SLC9A7: variants seen among roughly 807,000 people sequenced by gnomAD.
The protein encoded by SLC9A7 is sodium/hydrogen exchanger 7.
In SLC9A7, 19 loss-of-function variants were observed where a neutral mutation model predicts 52.6. The ratio of observed to expected loss-of-function variants is 0.36; its 90% CI spans 0.25 to 0.53. SLC9A7 has a LOEUF of 0.53. Among genes scored for constraint, SLC9A7 ranks in the 20% least tolerant of loss-of-function variants. The probability of loss-of-function intolerance (pLI) is 0.91; values close to 1 mark genes in which losing one functional copy is unlikely to be tolerated. For missense variants in SLC9A7, 455 were observed against 597.9 expected, an observed-to-expected ratio of 0.76 and a Z score of 2.49; for synonymous variants, 226 against 252.1, an observed-to-expected ratio of 0.90 and a Z score of 0.98.
intron 1 of SLC9A7, among the ~76,000 whole-genome samples, chrX:46,700,766 C>T (rs1944518827): frequency 8.9e-6 from 1 of 112,129 alleles, no homozygotes; most frequent in Non-Finnish European, 1.9e-5. Context: ...CTGCACATAG[C>T]TTCTCTAGAC....
In SLC9A7 at chrX:46,682,546, G is replaced by A; in HGVS notation, c.326-11C>T. 1 of 1,196,139 alleles carries A rather than the reference G, an allele frequency of 8.4e-7. No homozygotes were observed. The highest frequency in any genetic ancestry group is 1.1e-6 in the Non-Finnish European group (1 of 883,620). On this transcript the variant is annotated splice_polypyrimidine_tract_variant and intron_variant, in intron 1 of 16. Transcript: ENST00000616978. ...CCCCAACGATGAGCCCTGAAAGAGT[G>A]GAAAAAAACTCATCAGGCCTGAGGA...
intron 1 of SLC9A7, among the ~76,000 whole-genome samples, chrX:46,722,689 C>T (rs762217641): frequency 1.3e-4 from 14 of 111,948 alleles, no homozygotes; most frequent in African/African-American, 1.9e-4. Context: ...CTTTATGTGA[C>T]CAAGTTATTT....
At chrX:46,664,155 T>G (rs1448369275) in intron 5 of SLC9A7, among the ~76,000 whole-genome samples, 2 of 110,753 alleles carry the variant, frequency 1.8e-5, no homozygotes, top group African/African-American at 6.6e-5. Context: ...ACCCTCTCTC[T>G]TGATGGTTTC....
chrX:46,650,994 G>T (rs1308159456), intron 10 of SLC9A7, 116 bp downstream of exon 10: 1 of 242,430 alleles, frequency 4.1e-6, no homozygotes, highest in Admixed American at 7.1e-5. Context: ...ATTTTATGAT[G>T]GTTTATATTA....
At chrX:46,633,273 T>C (rs763905697) in intron 13 of SLC9A7, among the ~76,000 whole-genome samples, 4 of 89,268 alleles carry the variant, frequency 4.5e-5, no homozygotes, top group African/African-American at 8.9e-5. Context: ...GCTACTGATA[T>C]AAGTGCAGAA....
intron 3 of SLC9A7, among the ~76,000 whole-genome samples, chrX:46,675,061 A>ATGTG (rs397895552): frequency 0.03 from 2,049 of 68,804 alleles, 41 homozygotes; most frequent in Non-Finnish European, 0.047. Context: ...GAGAGAGTGA[A>ATGTG]TGTGTGTGTG....
intron 1 of SLC9A7, among the ~76,000 whole-genome samples, chrX:46,724,315 A>G (rs765994097): frequency 8.9e-6 from 1 of 111,905 alleles, no homozygotes; most frequent in South Asian, 3.7e-4. Context: ...GAAGTTGAAT[A>G]GACTACTCAG....
intron 1 of SLC9A7, among the ~76,000 whole-genome samples, chrX:46,687,248 G>A (rs769676884): frequency 1.8e-5 from 2 of 111,899 alleles, no homozygotes; most frequent in East Asian, 5.6e-4. Flanking sequence ...GAACAGGTAC[G>A]TGGGTGCACT....
intron 3 of SLC9A7, among the ~76,000 whole-genome samples, chrX:46,677,237 C>T (rs763956262): frequency 1.8e-5 from 2 of 112,074 alleles, no homozygotes. Flanking sequence ...CTCTAGCCTC[C>T]ATGCTATGAG....
rs1942740014 is a variant in SLC9A7 at position 46,606,149 on chromosome X, C to T, written c.*803G>A. ...CAGCCTGGGTGACAGAGTGAAACAC[C>T]ATCTCAACAAAAAAAAAAAGTTGAA... is the stretch of plus-strand genomic sequence containing the variant. On this transcript the variant is annotated 3_prime_UTR_variant, in exon 17 of 17. Coordinates refer to ENST00000616978, the MANE Select transcript of SLC9A7 (RefSeq NM_001257291.2). 6.9e-6 allele frequency: 4 copies of T among 576,419 alleles called. No homozygotes were observed. Among genetic ancestry groups the T allele is most frequent in the Non-Finnish European group, 8.3e-6 (4 of 479,462 alleles). 47.5% of individuals were successfully genotyped at this position (576,419 alleles called of 1,213,427 possible). A position where few individuals can be genotyped will look rare whatever the true frequency, so the allele number is the denominator to read the frequency against.
At chrX:46,617,562 C>A (rs1942974090) in intron 15 of SLC9A7, among the ~76,000 whole-genome samples, 1 of 111,997 alleles carries the variant, frequency 8.9e-6, no homozygotes, top group South Asian at 3.7e-4. Flanking sequence ...TAGCAGCTAC[C>A]AATTGATCTG....
chrX:46,691,009 A>G (rs987382939), intron 1 of SLC9A7, among the ~76,000 whole-genome samples: 13 of 112,032 alleles, frequency 1.2e-4, no homozygotes, highest in African/African-American at 4.2e-4. Flanking sequence ...CATCCAGAAC[A>G]TGGATCTGGC....
intron 1 of SLC9A7, chrX:46,725,266 C>T: frequency 8.8e-7 from 1 of 1,134,437 alleles, no homozygotes. Flanking sequence ...GATGCTGTCT[C>T]ATACAAATAA....
At chrX:46,620,536 C>A (rs755747867) in intron 15 of SLC9A7, among the ~76,000 whole-genome samples, 1 of 112,365 alleles carries the variant, frequency 8.9e-6, no homozygotes, top group Admixed American at 9.4e-5. Context: ...GTTTGCCCTG[C>A]ATGTGGCCCA....
intron 2 of SLC9A7, among the ~76,000 whole-genome samples, chrX:46,680,758 T>C (rs1422754648): frequency 8.9e-6 from 1 of 112,726 alleles, no homozygotes; most frequent in Non-Finnish European, 1.9e-5. Context: ...TTGGCTTGTG[T>C]TTCAATTATT....
chrX:46,635,573 G>C lies in SLC9A7; in HGVS notation c.1676+16C>G. 1 of 1,194,574 alleles carries C rather than the reference G, an allele frequency of 8.4e-7. No homozygotes were observed. Among genetic ancestry groups the C allele is most frequent in the Non-Finnish European group, 1.1e-6 (1 of 881,107 alleles). ...CCAGGCCCAGTTAATTTTTTCTGAGGATGCCCTTGTGTCACCTGAAGTACT... is the reference window on the plus strand; with the variant it reads ...CCAGGCCCAGTTAATTTTTTCTGAGCATGCCCTTGTGTCACCTGAAGTACT... On this transcript the variant is annotated intron_variant, in intron 13 of 16. Coordinates refer to ENST00000616978, the MANE Select transcript of SLC9A7 (RefSeq NM_001257291.2).
rs1169327999 is a variant in SLC9A7 at position 46,667,487 on chromosome X, A to G, written c.793+2120T>C. Among the ~76,000 whole-genome samples, 3 of 111,249 alleles carry G rather than the reference A, an allele frequency of 2.7e-5. No individual in the cohort carries two copies. In the East Asian group the frequency reaches 8.4e-4, roughly 31 times the overall value. On this transcript the variant is annotated intron_variant, in intron 5 of 16. Coordinates refer to ENST00000616978, the MANE Select transcript of SLC9A7 (RefSeq NM_001257291.2). ...GCCACATGTGGCTATATACATTTAA[A>G]TTACTTAACATTAAATAAAAGTTAA...
At chrX:46,634,344 TATC>T (rs1943283497) in intron 13 of SLC9A7, among the ~76,000 whole-genome samples, 1 of 111,600 alleles carries the variant, frequency 9.0e-6, no homozygotes, top group African/African-American at 3.3e-5. Flanking sequence ...ATATTGATAA[TATC>T]ATTGATAATT....
intron 14 of SLC9A7, among the ~76,000 whole-genome samples, chrX:46,628,568 ACT>A (rs1190418241): frequency 5.4e-5 from 6 of 111,808 alleles, no homozygotes; most frequent in African/African-American, 9.8e-5. Context: ...CCTAGCCATG[ACT>A]CTGTTTATAG....
Sources: gnomAD v4.1 joint callset for allele counts (sites outside exome capture counted in the v4.1 genomes callset) on GRCh38, gnomAD v4.1.1 for gene constraint, MANE v1.5 for transcripts, NCBI Gene and HGNC (gene_info 2026-07-23, HGNC 2026-07-21) for gene names.